PVT1: variants seen among roughly 807,000 people sequenced by gnomAD.
The protein encoded by PVT1 is CXCR4/PVT1 fusion.
intron 2 of PVT1, among the ~76,000 whole-genome samples, chr8:127,862,133 C>T (rs899242196): frequency 2.2e-4 from 33 of 152,262 alleles, no homozygotes; most frequent in African/African-American, 7.5e-4. Flanking sequence ...TCTGGCTGGG[C>T]GCGTTGGCTC....
At chr8:127,929,120 TG>T (rs1164280820) in intron 3 of PVT1, among the ~76,000 whole-genome samples, 2 of 151,470 alleles carry the variant, frequency 1.3e-5, no homozygotes, top group African/African-American at 4.9e-5. Context: ...GTTTAGCGGG[TG>T]GGAAAGGGAG....
chr8:127,887,931 GTTTTTTT>G (rs560976785), intron 2 of PVT1, among the ~76,000 whole-genome samples: 3 of 66,586 alleles, frequency 4.5e-5, no homozygotes, highest in South Asian at 8.0e-4. Context: ...ACTCTATCTT[GTTTTTTT>G]TTTTTTTTTT....
At chr8:128,100,035 G>A (rs1814483416) in intron 6 of PVT1, 1 of 152,108 alleles carries the variant, frequency 6.6e-6, no homozygotes. Context: ...GAAAGTGAGT[G>A]AGATTTGGGT....
At chr8:127,890,393 G>A (rs113341835) in intron 2 of PVT1, among the ~76,000 whole-genome samples, 8 of 152,234 alleles carry the variant, frequency 5.3e-5, no homozygotes, top group Non-Finnish European at 8.8e-5. Context: ...GAGGTCCTTC[G>A]TACCGCAGGA....
chr8:127,970,291 T>TTTTTTTTTG, intron 3 of PVT1, among the ~76,000 whole-genome samples: 1 of 106,050 alleles, frequency 9.4e-6, no homozygotes, highest in Non-Finnish European at 1.9e-5. Flanking sequence ...CATGATTTGT[T>TTTTTTTTTG]TTTTTTTTTT....
chr8:127,926,193 G>C (rs1481238802), intron 3 of PVT1, among the ~76,000 whole-genome samples: 1 of 152,150 alleles, frequency 6.6e-6, no homozygotes, highest in Non-Finnish European at 1.5e-5. Flanking sequence ...ACCCATTTGA[G>C]AGGCTGATTC....
chr8:128,061,888 A>AT (rs554562799), intron 4 of PVT1, among the ~76,000 whole-genome samples: 10 of 152,238 alleles, frequency 6.6e-5, no homozygotes, highest in Non-Finnish European at 1.5e-4. Flanking sequence ...CTTATGCCCG[A>AT]TTTTTTAAAA....
intron 4 of PVT1, among the ~76,000 whole-genome samples, chr8:128,039,157 A>G (rs1246001288): frequency 6.6e-6 from 1 of 152,154 alleles, no homozygotes; most frequent in Non-Finnish European, 1.5e-5. Flanking sequence ...CTGTGAGTCA[A>G]TGACTGTTGC....
rs71300290 is a variant in PVT1, at chr8:128,003,161, CT to C, written n.912+13882del. On this transcript the variant is annotated intron_variant and non_coding_transcript_variant, in intron 4 of 10. Transcript: ENST00000651587. The stretch of plus-strand genomic sequence containing the variant: ...GGACTACAGGCACCTACCACCACAC[CT>C]TTTTTTTTTTTAGTAGAGACAGGAT... 5.8e-3 allele frequency among the ~76,000 whole-genome samples: 743 copies of C among 127,942 alleles called. 11 individuals are homozygous for C. The highest frequency in any genetic ancestry group is 0.019 in the African/African-American group (645 of 33,630). The allele number at this position is 127,942 out of a possible 152,430, so 83.9% of individuals were successfully genotyped here.
intron 2 of PVT1, among the ~76,000 whole-genome samples, chr8:127,881,018 C>T (rs549402667): frequency 1.3e-5 from 2 of 152,320 alleles, no homozygotes; most frequent in South Asian, 2.1e-4. Flanking sequence ...AAGCAATGTA[C>T]CTTGCAGAGC....
chr8:127,822,928 G>T (rs925166754), intron 2 of PVT1, among the ~76,000 whole-genome samples: 1 of 152,200 alleles, frequency 6.6e-6, no homozygotes, highest in Non-Finnish European at 1.5e-5. Context: ...AGGATTTTGA[G>T]CCAGGGAGTG....
intron 5 of PVT1, among the ~76,000 whole-genome samples, chr8:128,091,083 G>T (rs1188755004): frequency 6.6e-6 from 1 of 152,164 alleles, no homozygotes; most frequent in Non-Finnish European, 1.5e-5. Context: ...CTGAGCACAC[G>T]TGCCTAGCAT....
intron 3 of PVT1, among the ~76,000 whole-genome samples, chr8:127,907,447 A>G (rs1342795797): frequency 6.6e-6 from 1 of 152,162 alleles, no homozygotes; most frequent in Non-Finnish European, 1.5e-5. Flanking sequence ...CGGGCCTGCT[A>G]TGTTTACAGT....
intron 2 of PVT1, among the ~76,000 whole-genome samples, chr8:127,845,392 C>T (rs1815020405): frequency 6.6e-6 from 1 of 152,030 alleles, no homozygotes; most frequent in South Asian, 2.1e-4. Context: ...AGGAGTCATG[C>T]CCAAGATACA....
intron 2 of PVT1, among the ~76,000 whole-genome samples, chr8:127,859,973 G>A (rs909467590): frequency 2.0e-5 from 3 of 152,028 alleles, no homozygotes; most frequent in African/African-American, 7.2e-5. Flanking sequence ...GGTGTGGTGA[G>A]CCCCAGGAAT....
At position 127,903,228 on chromosome 8, in the gene PVT1, T is replaced by G. The variant is rs890046047; in HGVS notation, n.782+12230T>G. On this transcript the variant is annotated intron_variant and non_coding_transcript_variant, in intron 3 of 10. Coordinates refer to ENST00000651587, the Ensembl canonical transcript of PVT1. ...TTCATGTTTGGTGGCTGCATGAATG[T>G]CTTCTTTTGAGCAGTGTCCGTCCTT... 5.9e-5 allele frequency among the ~76,000 whole-genome samples: 9 copies of G among 152,272 alleles called. 1 individual carries two copies. Among genetic ancestry groups the G allele is most frequent in the African/African-American group, 2.2e-4 (9 of 41,478 alleles).
chr8:128,068,953 C>CTT (rs1813947462), intron 4 of PVT1, among the ~76,000 whole-genome samples: 1 of 152,184 alleles, frequency 6.6e-6, no homozygotes. Context: ...AAGACAGTTT[C>CTT]CAGAAAATGA....
At chr8:127,912,326 C>A (rs1220095765) in intron 3 of PVT1, among the ~76,000 whole-genome samples, 7 of 152,146 alleles carry the variant, frequency 4.6e-5, no homozygotes, top group Non-Finnish European at 1.0e-4. Context: ...ACACAGGCAA[C>A]CACCCTATAA....
Position 128,032,747 on chromosome 8 carries a change from G to A in PVT1, n.913-37413G>A, listed in dbSNP as rs138830072. Among the ~76,000 whole-genome samples, 1,025 of 152,302 alleles carry A rather than the reference G, an allele frequency of 6.7e-3. 4 individuals carry two copies. The highest frequency in any genetic ancestry group is 0.011 in the Non-Finnish European group (723 of 68,022). On this transcript the variant is annotated intron_variant and non_coding_transcript_variant, in intron 4 of 10. Coordinates refer to ENST00000651587, the Ensembl canonical transcript of PVT1. ...GATGTGATTTTGCTGGAGTGGCTGG[G>A]GTGTCTCCACTCTGCCCTCTGTGTC...
Sources: gnomAD v4.1 joint callset for allele counts (sites outside exome capture counted in the v4.1 genomes callset) on GRCh38, gnomAD v4.1.1 for gene constraint, MANE v1.5 for transcripts, NCBI Gene and HGNC (gene_info 2026-07-23, HGNC 2026-07-21) for gene names.